The following ZNF43 variants were observed in gnomAD, a reference collection of about 807,000 sequenced individuals.
ZNF43 encodes the protein zinc finger protein 43, also known as zinc finger protein 39-like 1 (KOX 27).
Under a neutral mutation model 68.4 loss-of-function variants are expected in ZNF43, and 44 were observed. The ratio of observed to expected loss-of-function variants is 0.64; its 90% CI spans 0.51 to 0.83. The LOEUF is 0.83. Among genes scored for constraint, ZNF43 ranks in the 40% least tolerant of loss-of-function variants. The pLI is 0.00. For synonymous variants in ZNF43, 308 were observed against 307.8 expected, an observed-to-expected ratio of 1.00 and a Z score of -0.01; for missense variants, 896 against 933.2, an observed-to-expected ratio of 0.96 and a Z score of 0.52.
intron 1 of ZNF43, chr19:21,845,386 C>CA (rs1967881454): frequency 1.3e-5 from 2 of 152,126 alleles, no homozygotes; most frequent in Non-Finnish European, 2.9e-5. Context: ...TAATATGTAA[C>CA]AATACCCAAA....
Position 21,808,914 on chromosome 19 carries a change from A to T in ZNF43, c.1123T>A (p.Cys375Ser), listed in dbSNP as rs368315519. ...GAGGACCGGCTAAAAGCTTCACCACATTCTGTACATTTATAGAATTTCTCT... is the reference window on the plus strand; with the variant it reads ...GAGGACCGGCTAAAAGCTTCACCACTTTCTGTACATTTATAGAATTTCTCT... ...TAEKFYKCTE[C>S]GEAFSRSSNL... Residue 375 changes from cysteine (C) to serine (S), a missense_variant, in exon 4 of 4, where the codon TGT becomes AGT. By Grantham distance (112) the Cys-to-Ser change is moderately radical. Coordinates refer to ENST00000354959, the MANE Select transcript of ZNF43 (RefSeq NM_003423.4). 9 of 1,613,586 alleles carry T rather than the reference A, an allele frequency of 5.6e-6. No individual in the cohort carries two copies. The highest frequency in any genetic ancestry group is 7.6e-6 in the Non-Finnish European group (9 of 1,179,834).
chr19:21,830,447 CCAA>C (rs1166541742), intron 1 of ZNF43, among the ~76,000 whole-genome samples: 1 of 150,382 alleles, frequency 6.6e-6, no homozygotes, highest in Non-Finnish European at 1.5e-5. Flanking sequence ...TAACACTGAC[CCAA>C]CAACAACAAA....
At chr19:21,824,668 G>A (rs151095137) in intron 1 of ZNF43, among the ~76,000 whole-genome samples, 6 of 148,928 alleles carry the variant, frequency 4.0e-5, no homozygotes, top group African/African-American at 1.5e-4. Context: ...AAGCAAGCAG[G>A]GTACAATCAA....
chr19:21,808,032 T>C lies in ZNF43; in HGVS notation c.2005A>G (p.Lys669Glu). 6.2e-7 allele frequency: 1 copy of C among 1,612,942 alleles called. No individual in the cohort carries two copies. The highest frequency in any genetic ancestry group is 8.5e-7 in the Non-Finnish European group (1 of 1,179,908). ...GGTTTCTCTCCAGTATGAATTATCT[T>C]ATGTTTAGTAAGGGTTGAGGACCAC... ...FKWSSTLTKH[K>E]IIHTGEKPYK... Residue 669 changes from lysine to glutamate, a missense_variant, in exon 4 of 4, where the codon AAG becomes GAG. Lys to Glu is a moderately conservative substitution (Grantham distance 56). Transcript: ENST00000354959.
chr19:21,842,837 A>G (rs767692862), intron 1 of ZNF43, among the ~76,000 whole-genome samples: 10 of 152,070 alleles, frequency 6.6e-5, no homozygotes, highest in Non-Finnish European at 1.3e-4. Flanking sequence ...GACAGGGACC[A>G]GGCAGAAAAA....
At chr19:21,818,489 C>T (rs1599472477) in intron 2 of ZNF43, among the ~76,000 whole-genome samples, 4 of 152,058 alleles carry the variant, frequency 2.6e-5, no homozygotes, top group South Asian at 2.1e-4. Context: ...GGCACGATCT[C>T]GGCTCACTGC....
At chr19:21,834,977 T>G (rs1402104942) in intron 1 of ZNF43, among the ~76,000 whole-genome samples, 1 of 150,160 alleles carries the variant, frequency 6.7e-6, no homozygotes, top group Non-Finnish European at 1.5e-5. Context: ...TCGGTGGCTA[T>G]TTTTAAGTGC....
At chr19:21,816,902 G>A (rs1020846400) in intron 3 of ZNF43, among the ~76,000 whole-genome samples, 28 of 152,114 alleles carry the variant, frequency 1.8e-4, no homozygotes, top group African/African-American at 5.8e-4. Context: ...AACTAAAGGC[G>A]GACCCTAGTG....
intron 3 of ZNF43, chr19:21,812,136 T>C (rs2037304714): frequency 5.4e-6 from 2 of 367,532 alleles, no homozygotes; most frequent in Non-Finnish European, 9.7e-6. Flanking sequence ...TTTTTTTTTC[T>C]TTTTTTTTGA....
chr19:21,844,225 G>C (rs1967744464), intron 1 of ZNF43, among the ~76,000 whole-genome samples: 1 of 151,052 alleles, frequency 6.6e-6, no homozygotes, highest in Non-Finnish European at 1.5e-5. Flanking sequence ...AAAAAGCCGG[G>C]CATATCCCAG....
chr19:21,814,411 CTT>C (rs200681700), intron 3 of ZNF43, among the ~76,000 whole-genome samples: 5 of 142,612 alleles, frequency 3.5e-5, no homozygotes, highest in African/African-American at 2.6e-5. Flanking sequence ...TGATTGATCT[CTT>C]TTTTTTTTTT....
At chr19:21,844,859 T>C (rs1318855190) in intron 1 of ZNF43, among the ~76,000 whole-genome samples, 2 of 124,160 alleles carry the variant, frequency 1.6e-5, no homozygotes, top group African/African-American at 6.4e-5. Flanking sequence ...ATTGCTCCAC[T>C]GCACTCCAGC....
At chr19:21,847,898 T>C (rs966377836) in intron 1 of ZNF43, among the ~76,000 whole-genome samples, 4 of 150,868 alleles carry the variant, frequency 2.7e-5, no homozygotes, top group African/African-American at 9.8e-5. Context: ...TAGTGGCGCA[T>C]CTTGGCTCTG....
intron 1 of ZNF43, 95 bp downstream of exon 1, chr19:21,835,941 C>T: frequency 6.2e-7 from 1 of 1,600,334 alleles, no homozygotes; most frequent in Non-Finnish European, 8.5e-7. Flanking sequence ...TGGGCAAGAA[C>T]TCCGGCACGC....
intron 1 of ZNF43, among the ~76,000 whole-genome samples, chr19:21,850,227 G>C (rs146861801): frequency 6.6e-6 from 1 of 152,214 alleles, no homozygotes; most frequent in African/African-American, 2.4e-5. Flanking sequence ...CACTCTCCTA[G>C]GTGATTGATG....
At chr19:21,825,238 T>C (rs868123485) in intron 1 of ZNF43, among the ~76,000 whole-genome samples, 2 of 151,472 alleles carry the variant, frequency 1.3e-5, no homozygotes, top group Non-Finnish European at 2.9e-5. Context: ...GTCTCAAAAA[T>C]CAAACAACCC....
chr19:21,831,592 C>T (rs1458098258), intron 1 of ZNF43, among the ~76,000 whole-genome samples: 1 of 152,056 alleles, frequency 6.6e-6, no homozygotes, highest in Non-Finnish European at 1.5e-5. Context: ...AACTCCTGAC[C>T]TTGTGATCCG....
chr19:21,837,415 CTTTTTTTTTTTT>C (rs539940868), upstream of ZNF43, among the ~76,000 whole-genome samples: 18 of 83,982 alleles, frequency 2.1e-4, no homozygotes, highest in South Asian at 1.0e-3. Context: ...CCTACACTTA[CTTTTTTTTTTTT>C]TTTTTTTTTT....
chr19:21,818,540 G>T (rs1324993405), intron 2 of ZNF43, among the ~76,000 whole-genome samples: 5 of 151,620 alleles, frequency 3.3e-5, no homozygotes, highest in Non-Finnish European at 7.4e-5. Context: ...CCTGCCTCAG[G>T]CTCCTGAGTA....
Sources: allele counts gnomAD v4.1 joint callset (sites outside exome capture counted in the v4.1 genomes callset), GRCh38; gene constraint gnomAD v4.1.1; transcripts MANE v1.5; gene names NCBI Gene and HGNC (gene_info 2026-07-23, HGNC 2026-07-21).